The following RSF1 variants were observed in gnomAD, a reference collection of about 807,000 sequenced individuals.
RSF1 encodes HBV pX-associated protein 8.
Under a neutral mutation model 145.2 loss-of-function variants are expected in RSF1, and 13 were observed. The ratio of observed to expected loss-of-function variants is 0.09; its 90% confidence interval spans 0.06 to 0.14. The LOEUF is 0.14. Ranked by LOEUF, RSF1 falls within the 10% of genes least tolerant of loss-of-function variation. The pLI is 1.00. For missense variants in RSF1, 1,517 were observed against 1,718.2 expected (o/e 0.88, Z 2.07); for synonymous variants, 577 against 592.6 (o/e 0.97, Z 0.38).
upstream of RSF1, among the ~76,000 whole-genome samples, chr11:77,822,823 A>T (rs1455295307): frequency 3.3e-5 from 5 of 152,264 alleles, no homozygotes; most frequent in African/African-American, 1.2e-4. Context: ...TCTAAAGAAC[A>T]CTGTAAATGT....
chr11:77,821,848 T>A (rs1948919639), upstream of RSF1, among the ~76,000 whole-genome samples: 1 of 152,130 alleles, frequency 6.6e-6, no homozygotes, highest in Admixed American at 6.5e-5. Flanking sequence ...GAGCTTTGGA[T>A]TCAGCCAGGC....
chr11:77,676,385 T>G (rs567147695), intron 13 of RSF1, among the ~76,000 whole-genome samples: 1 of 152,322 alleles, frequency 6.6e-6, no homozygotes, highest in South Asian at 2.1e-4. Flanking sequence ...AAGCCTTTCT[T>G]GATCTTCTAT....
At position 77,741,903 on chromosome 11, in the gene RSF1, G is replaced by A. The variant is rs116847873; in HGVS notation, c.373-967C>T. Among the ~76,000 whole-genome samples, 1,093 of 152,220 alleles carry A rather than the reference G, an allele frequency of 7.2e-3. 11 individuals carry two copies. Among genetic ancestry groups the A allele is most frequent in the Non-Finnish European group, 7.3e-3 (498 of 68,012 alleles). On this transcript the variant is annotated intron_variant, in intron 3 of 15. Coordinates refer to ENST00000308488, the MANE Select transcript of RSF1 (RefSeq NM_016578.4). The stretch of plus-strand genomic sequence containing the variant: ...CAATCTACTGTGATTCTATGAGTCT[G>A]ACTCTTTTAGATTCCACATTAAGTA...
intron 4 of RSF1, chr11:77,735,054 G>T: frequency 7.7e-7 from 1 of 1,299,842 alleles, no homozygotes; most frequent in Non-Finnish European, 1.1e-6. Flanking sequence ...GGTGGCGGCG[G>T]TGGCAGTGGC....
intron 4 of RSF1, among the ~76,000 whole-genome samples, chr11:77,736,148 A>G (rs1961347092): frequency 6.6e-6 from 1 of 152,256 alleles, no homozygotes; most frequent in Non-Finnish European, 1.5e-5. Flanking sequence ...AACATCTATC[A>G]GTCTTAAGAC....
At chr11:77,782,960 C>T (rs180949080) in intron 1 of RSF1, among the ~76,000 whole-genome samples, 322 of 152,292 alleles carry the variant, frequency 2.1e-3, no homozygotes, top group African/African-American at 6.9e-3. Context: ...TGTTCATATA[C>T]ATTTATTTGT....
At chr11:77,777,695 C>A (rs976933321) in intron 1 of RSF1, among the ~76,000 whole-genome samples, 1 of 152,060 alleles carries the variant, frequency 6.6e-6, no homozygotes, top group African/African-American at 2.4e-5. Flanking sequence ...ACCAAAAGAA[C>A]TGAGTTGTGC....
At chr11:77,793,691 G>C (rs1948543298) in intron 1 of RSF1, among the ~76,000 whole-genome samples, 1 of 152,164 alleles carries the variant, frequency 6.6e-6, no homozygotes, top group Admixed American at 6.5e-5. Flanking sequence ...TGATCGCCAG[G>C]ATTGATTCAG....
chr11:77,688,692 G>C (rs1434777376), intron 9 of RSF1, among the ~76,000 whole-genome samples: 1 of 151,890 alleles, frequency 6.6e-6, no homozygotes, highest in African/African-American at 2.4e-5. Flanking sequence ...TGGGAGGCTG[G>C]GGCAGGAGGA....
At chr11:77,692,739 G>A (rs971930906) in intron 8 of RSF1, among the ~76,000 whole-genome samples, 15 of 149,242 alleles carry the variant, frequency 1.0e-4, no homozygotes, top group African/African-American at 2.5e-4. Context: ...GTACAATGGC[G>A]TGATCTTGGC....
chr11:77,764,678 A>G lies in RSF1; in HGVS notation c.199T>C (p.Leu67=). The G allele has an allele frequency of 6.3e-7, 1 of 1,598,640 alleles. No homozygotes were observed. The highest frequency in any genetic ancestry group is 1.1e-5 in the South Asian group (1 of 88,192). ...ATCAGCTTCAAATGGAGCTCCACCA[A>G]TTCTTTTGGTACTTAAAAGAAAGAA... ...DVGNGEVPKE[L]VELHLKLMRK... Residue 67 remains leucine, a synonymous_variant, in exon 2 of 16, where the codon TTG becomes CTG. Coordinates refer to ENST00000308488, the MANE Select transcript of RSF1 (RefSeq NM_016578.4).
chr11:77,725,028 A>T (rs142774513), intron 5 of RSF1, among the ~76,000 whole-genome samples: 1 of 152,316 alleles, frequency 6.6e-6, no homozygotes, highest in African/African-American at 2.4e-5. Flanking sequence ...TGAATGATCA[A>T]ATTCATAAGA....
chr11:77,691,680 TAA>T, intron 8 of RSF1: 1 of 153,416 alleles, frequency 6.5e-6, no homozygotes, highest in South Asian at 2.0e-4. Flanking sequence ...TATTTACAAC[TAA>T]TTGATCCCAA....
chr11:77,793,843 C>G (rs1401068313), intron 1 of RSF1, among the ~76,000 whole-genome samples: 1 of 152,100 alleles, frequency 6.6e-6, no homozygotes, highest in Non-Finnish European at 1.5e-5. Flanking sequence ...GTAAGAGTAG[C>G]TGCGCTCTCC....
At chr11:77,813,911 T>C (rs568928776) in intron 1 of RSF1, among the ~76,000 whole-genome samples, 2 of 149,310 alleles carry the variant, frequency 1.3e-5, no homozygotes, top group East Asian at 4.0e-4. Flanking sequence ...AGGATAAAAA[T>C]AAGAAGTGGC....
rs764516166 is a variant in RSF1 at position 77,666,983 on chromosome 11, C to A, written c.4260G>T (p.Glu1420Asp). ...TCACTCTCAAAAGCTCATCTTCCTC[C>A]TCTTCTGGTGCTCCTGCCTCCTGCC... ...SGGQEAGAPE[E>D]EEDELLRVTD... The change falls in exon 16 of 16, where the codon GAG (glutamate) becomes GAT (aspartate). Residue 1420 changes from glutamate to aspartate, a missense_variant. Glu to Asp is a conservative substitution (Grantham distance 45). Transcript: ENST00000308488. 6.2e-7 allele frequency: 1 copy of A among 1,609,720 alleles called. No individual in the cohort carries two copies. The highest frequency in any genetic ancestry group is 8.5e-7 in the Non-Finnish European group (1 of 1,176,596).
intron 4 of RSF1, chr11:77,734,419 C>T: frequency 8.5e-7 from 1 of 1,179,354 alleles, no homozygotes; most frequent in South Asian, 1.2e-5. Context: ...AACATGCATG[C>T]ACTGCCTTGG....
Position 77,725,645 on chromosome 11 carries a change from A to G in RSF1, c.633T>C (p.Pro211=), listed in dbSNP as rs1590851836. ...GTTGGCTAGAGTTTTTCAATAGTAC[A>G]GGATCAATTTGTGCTTTCAGGAGTG... The part of the protein sequence containing the change: ...TLALLKAQID[P]VLLKNSSQQD... The change falls in exon 5 of 16, where the codon CCT becomes CCC. Residue 211 remains proline, a synonymous_variant. Transcript: ENST00000308488. 2.5e-6 allele frequency: 4 copies of G among 1,609,828 alleles called. No homozygotes were observed. The South Asian group carries it at 4.4e-5, about 18-fold the overall frequency.
chr11:77,722,482 T>C (rs7116671), intron 5 of RSF1, among the ~76,000 whole-genome samples: 27,194 of 152,024 alleles, frequency 0.18, 3,071 homozygotes, highest in African/African-American at 0.3. Flanking sequence ...CTCCACCAGA[T>C]TCTGTACTTT....
Sources: allele counts gnomAD v4.1 joint callset (sites outside exome capture counted in the v4.1 genomes callset), GRCh38; gene constraint gnomAD v4.1.1; transcripts MANE v1.5; gene names NCBI Gene and HGNC (gene_info 2026-07-23, HGNC 2026-07-21).